Variants in ARHGAP15 observed in about 807,000 individuals in gnomAD.
ARHGAP15 encodes the protein Rho GTPase activating protein 15.
ARHGAP15 carries 51 observed loss-of-function variants against 63.7 expected under a neutral mutation model. The observed-to-expected ratio is 0.80, with a 90% confidence interval of 0.64 to 1.01. The LOEUF (loss-of-function observed/expected upper bound fraction) is 1.01, where lower values mean the gene tolerates loss of function less well. ARHGAP15 is among the 50% of genes least tolerant of loss of function. ARHGAP15 has a pLI of 0.00. For synonymous variants in ARHGAP15, 191 were observed against 193.8 expected (o/e 0.99, Z 0.12); for missense variants, 560 against 564.6 (o/e 0.99, Z 0.08).
chr2:143,679,589 A>G (rs1425092470), intron 12 of ARHGAP15, among the ~76,000 whole-genome samples: 1 of 152,032 alleles, frequency 6.6e-6, no homozygotes, highest in Admixed American at 6.6e-5. Context: ...AAGCATGAAG[A>G]TTCCTCCAAC....
intron 6 of ARHGAP15, among the ~76,000 whole-genome samples, chr2:143,421,790 ATATATATATATG>A (rs1384771249): frequency 0.011 from 88 of 7,662 alleles, 2 homozygotes; most frequent in South Asian, 0.095. Context: ...ATATATATAT[ATATATATATATG>A]TGTGTGTTTC....
Position 143,396,755 on chromosome 2 carries a change from A to C in ARHGAP15, c.475-38846A>C, listed in dbSNP as rs561737815. Among the ~76,000 whole-genome samples, 5 of 152,168 alleles carry C rather than the reference A, an allele frequency of 3.3e-5. No individual in the cohort carries two copies. The East Asian group carries it at 5.8e-4, about 18-fold the overall frequency. On this transcript the variant is annotated intron_variant, in intron 6 of 13. Coordinates refer to ENST00000295095, the MANE Select transcript of ARHGAP15 (RefSeq NM_018460.4). ...CATCTAGATGCACATTGAGGTCCAAATGGCTCAAGCATATTCAGTCAAGGA... is the reference window on the plus strand; with the variant it reads ...CATCTAGATGCACATTGAGGTCCAACTGGCTCAAGCATATTCAGTCAAGGA...
Position 143,520,229 on chromosome 2 carries a change from A to T in ARHGAP15, c.925+865A>T, listed in dbSNP as rs571992662. 1.7e-3 allele frequency among the ~76,000 whole-genome samples: 264 copies of T among 152,276 alleles called. 1 individual carries two copies. Among genetic ancestry groups the T allele is most frequent in the South Asian group, 2.7e-3 (13 of 4,828 alleles). On this transcript the variant is annotated intron_variant, in intron 10 of 13. Coordinates refer to ENST00000295095, the MANE Select transcript of ARHGAP15 (RefSeq NM_018460.4). Reference sequence around the variant, plus strand: ...CATTTCCAGCTCCTAGTCTCTTAAGACAATAGAACCAAGGGGAAAAAATCT... The same window carrying T: ...CATTTCCAGCTCCTAGTCTCTTAAGTCAATAGAACCAAGGGGAAAAAATCT...
At chr2:143,649,915 A>G (rs1681076617) in intron 12 of ARHGAP15, among the ~76,000 whole-genome samples, 1 of 151,990 alleles carries the variant, frequency 6.6e-6, no homozygotes, top group Non-Finnish European at 1.5e-5. Flanking sequence ...TATAAAGTAC[A>G]TTACACTTTA....
At chr2:143,564,538 T>G (rs1374060431) in intron 11 of ARHGAP15, among the ~76,000 whole-genome samples, 2 of 152,196 alleles carry the variant, frequency 1.3e-5, no homozygotes, top group African/African-American at 4.8e-5. Flanking sequence ...TAGCCAGGTT[T>G]GGAAACTCCC....
rs185836875 is a variant in ARHGAP15 at position 143,645,719 on chromosome 2, G to A, written c.1138+21452G>A. The stretch of plus-strand genomic sequence containing the variant: ...CTCTTGTCTGAGTAAGTCAAATTCC[G>A]CGATACTATTGAAGCATCACGTGGT... On this transcript the variant is annotated intron_variant, in intron 12 of 13. Transcript: ENST00000295095. Among the ~76,000 whole-genome samples the A allele has an allele frequency of 2.5e-3, 375 of 152,034 alleles. 2 individuals carry two copies. Among genetic ancestry groups the A allele is most frequent in the African/African-American group, 8.7e-3 (361 of 41,468 alleles).
In ARHGAP15 at chr2:143,397,647, A is replaced by G. The variant is rs569530556; in HGVS notation, c.475-37954A>G. 4.5e-3 allele frequency among the ~76,000 whole-genome samples: 685 copies of G among 152,166 alleles called. 7 individuals are homozygous for G. The highest frequency in any genetic ancestry group is 0.016 in the African/African-American group (655 of 41,538). On this transcript the variant is annotated intron_variant, in intron 6 of 13. Transcript: ENST00000295095. Reference sequence around the variant, plus strand: ...TGCTTAACTTTTTTCATAAATAGCAATTTAACAAAACCTAACACTTTAATG... The same window carrying G: ...TGCTTAACTTTTTTCATAAATAGCAGTTTAACAAAACCTAACACTTTAATG...
intron 8 of ARHGAP15, among the ~76,000 whole-genome samples, chr2:143,470,428 T>G (rs566591359): frequency 5.9e-5 from 9 of 151,680 alleles, no homozygotes; most frequent in Non-Finnish European, 1.3e-4. Context: ...GTTTATTTTC[T>G]TAGAGCATAG....
intron 5 of ARHGAP15, among the ~76,000 whole-genome samples, chr2:143,239,591 C>T (rs976816511): frequency 1.3e-5 from 2 of 152,168 alleles, no homozygotes; most frequent in African/African-American, 4.8e-5. Flanking sequence ...ACCACTCATT[C>T]AGCCATAACC....
At chr2:143,592,405 C>G (rs79933106) in intron 11 of ARHGAP15, among the ~76,000 whole-genome samples, 3 of 152,164 alleles carry the variant, frequency 2.0e-5, no homozygotes, top group African/African-American at 7.2e-5. Context: ...TTGTGTCGTT[C>G]TGTAAGAAAC....
chr2:143,380,510 C>T (rs890618541), intron 6 of ARHGAP15, among the ~76,000 whole-genome samples: 5 of 152,074 alleles, frequency 3.3e-5, no homozygotes, highest in Non-Finnish European at 7.4e-5. Flanking sequence ...CAAGAGTGCT[C>T]CAGTTTGGAT....
rs577964242 is a variant in ARHGAP15, at chr2:143,701,900, A to C, written c.1139-1519A>C. On this transcript the variant is annotated intron_variant, in intron 12 of 13. Coordinates refer to ENST00000295095, the MANE Select transcript of ARHGAP15 (RefSeq NM_018460.4). ...CATTCAAAGAAACAGAAAGGAGGAA[A>C]GGTACACAGGCTAAAAGCTAAATCA... is the stretch of plus-strand genomic sequence containing the variant. 2.6e-5 allele frequency among the ~76,000 whole-genome samples: 4 copies of C among 152,300 alleles called. No individual in the cohort carries two copies. The East Asian group carries it at 7.7e-4, about 29-fold the overall frequency.
rs1416569839 is a variant in ARHGAP15 at position 143,704,970 on chromosome 2, C to A, written c.1244+1446C>A. Reference sequence around the variant, plus strand: ...AAGTAACTAACATTTTTGTATGTATCCTTCCTGACCTGTTCCTAAACACAT... The same window carrying A: ...AAGTAACTAACATTTTTGTATGTATACTTCCTGACCTGTTCCTAAACACAT... On this transcript the variant is annotated intron_variant, in intron 13 of 13. Coordinates refer to ENST00000295095, the MANE Select transcript of ARHGAP15 (RefSeq NM_018460.4). Among the ~76,000 whole-genome samples the A allele has an allele frequency of 1.3e-4, 20 of 152,262 alleles. No individual in the cohort carries two copies. The East Asian group carries it at 3.3e-3, about 25-fold the overall frequency.
At chr2:143,455,932 A>T (rs1010829311) in intron 8 of ARHGAP15, among the ~76,000 whole-genome samples, 3 of 151,918 alleles carry the variant, frequency 2.0e-5, no homozygotes, top group African/African-American at 7.3e-5. Flanking sequence ...AGGAGGGAGG[A>T]TCTGTCACTT....
chr2:143,326,867 C>A lies in ARHGAP15; in HGVS notation c.474+76267C>A, dbSNP rs183095168. 3.0e-3 allele frequency among the ~76,000 whole-genome samples: 451 copies of A among 152,272 alleles called. 4 individuals are homozygous for A. The highest frequency in any genetic ancestry group is 0.01 in the African/African-American group (434 of 41,546). On this transcript the variant is annotated intron_variant, in intron 6 of 13. Coordinates refer to ENST00000295095, the MANE Select transcript of ARHGAP15 (RefSeq NM_018460.4). ...AAAACTGGCACAAGACAAGGATGCCCTCTCTCCACCACTCCTATTCAACAT... is the reference window on the plus strand; with the variant it reads ...AAAACTGGCACAAGACAAGGATGCCATCTCTCCACCACTCCTATTCAACAT...
At chr2:143,309,764 C>G (rs1432858123) in intron 6 of ARHGAP15, among the ~76,000 whole-genome samples, 1 of 152,018 alleles carries the variant, frequency 6.6e-6, no homozygotes, top group East Asian at 1.9e-4. Context: ...AGCAGCATCA[C>G]TGGCTTCTGC....
chr2:143,701,722 C>T (rs1210195499), intron 12 of ARHGAP15, among the ~76,000 whole-genome samples: 1 of 152,134 alleles, frequency 6.6e-6, no homozygotes, highest in Non-Finnish European at 1.5e-5. Context: ...AGAGCAAGAT[C>T]CTGTCTCAAA....
chr2:143,660,720 ACCATACGTTT>A (rs1269602122), intron 12 of ARHGAP15, among the ~76,000 whole-genome samples: 1 of 152,216 alleles, frequency 6.6e-6, no homozygotes, highest in South Asian at 2.1e-4. Context: ...GATTGGGCTT[ACCATACGTTT>A]CCTTGAGATA....
chr2:143,212,376 T>G (rs1692596055), intron 3 of ARHGAP15, among the ~76,000 whole-genome samples: 1 of 152,240 alleles, frequency 6.6e-6, no homozygotes, highest in South Asian at 2.1e-4. Context: ...GCATCCAGTA[T>G]GAACAAATTG....
Sources: gnomAD v4.1 joint callset for allele counts (sites outside exome capture counted in the v4.1 genomes callset) on GRCh38, gnomAD v4.1.1 for gene constraint, MANE v1.5 for transcripts, NCBI Gene and HGNC (gene_info 2026-07-23, HGNC 2026-07-21) for gene names.